Variants in FSTL4 observed in about 807,000 individuals in gnomAD.
The protein encoded by FSTL4 is follistatin like 4, also known as follistatin-related protein 4.
A neutral mutation model predicts 78.2 loss-of-function variants in FSTL4; 28 were observed. The observed-to-expected ratio is 0.36, with a 90% CI of 0.27 to 0.49. The LOEUF (loss-of-function observed/expected upper bound fraction) is 0.49, where lower values mean the gene tolerates loss of function less well. Among genes scored for constraint, FSTL4 ranks in the 20% least tolerant of loss-of-function variants. The probability of loss-of-function intolerance (pLI) is 0.98; values close to 1 mark genes in which losing one functional copy is unlikely to be tolerated. For missense variants in FSTL4, 922 were observed against 1,084.9 expected (o/e 0.85, Z 2.11); for synonymous variants, 422 against 440.5 (o/e 0.96, Z 0.53).
chr5:133,303,280 C>A (rs1280320737), intron 6 of FSTL4, among the ~76,000 whole-genome samples: 2 of 152,174 alleles, frequency 1.3e-5, no homozygotes, highest in African/African-American at 2.4e-5. Context: ...TAAAGAGCTG[C>A]TCAGGAAGGG....
chr5:133,353,443 G>A (rs1027671735), intron 4 of FSTL4, among the ~76,000 whole-genome samples: 2 of 152,194 alleles, frequency 1.3e-5, no homozygotes, highest in Admixed American at 1.3e-4. Flanking sequence ...CGTGCGAGGG[G>A]TCCCTTCCAC....
chr5:133,784,057 C>T, the FSTL4 span, among the ~76,000 whole-genome samples: 11 of 152,262 alleles, frequency 7.2e-5, no homozygotes, highest in Non-Finnish European at 1.5e-4. Context: ...TCAGTAGGTT[C>T]AGCTGCATCA....
intron 3 of FSTL4, among the ~76,000 whole-genome samples, chr5:133,482,003 T>A (rs541184111): frequency 2.6e-5 from 4 of 152,198 alleles, no homozygotes; most frequent in Admixed American, 2.0e-4. Context: ...GCCACCAACA[T>A]GGAAAAGGAA....
intron 3 of FSTL4, among the ~76,000 whole-genome samples, chr5:133,407,484 C>T (rs1206394877): frequency 2.0e-5 from 3 of 152,192 alleles, no homozygotes; most frequent in Admixed American, 2.0e-4. Flanking sequence ...ACCACATTCT[C>T]CAATCCCAAA....
chr5:133,538,762 T>C (rs540456019), intron 3 of FSTL4, among the ~76,000 whole-genome samples: 85 of 152,304 alleles, frequency 5.6e-4, no homozygotes, highest in African/African-American at 2.0e-3. Flanking sequence ...GACACAACAC[T>C]TATTTTATTA....
intron 2 of FSTL4, among the ~76,000 whole-genome samples, chr5:133,590,166 T>A (rs13153384): frequency 0.21 from 31,483 of 151,702 alleles, 3,867 homozygotes; most frequent in East Asian, 0.29. Flanking sequence ...CAGGCTAGAG[T>A]GCAGTGGCAT....
At chr5:133,472,267 G>A (rs1351233656) in intron 3 of FSTL4, among the ~76,000 whole-genome samples, 2 of 152,154 alleles carry the variant, frequency 1.3e-5, no homozygotes, top group Non-Finnish European at 2.9e-5. Context: ...CAGAATGAAA[G>A]CATTTTCAAA....
intron 4 of FSTL4, among the ~76,000 whole-genome samples, chr5:133,388,302 G>A (rs1755754048): frequency 6.6e-6 from 1 of 152,120 alleles, no homozygotes; most frequent in Admixed American, 6.5e-5. Flanking sequence ...CCCTTGCCCA[G>A]CAGAAAATAC....
At chr5:133,490,682 G>A (rs2112867733) in intron 3 of FSTL4, among the ~76,000 whole-genome samples, 1 of 152,282 alleles carries the variant, frequency 6.6e-6, no homozygotes, top group East Asian at 1.9e-4. Flanking sequence ...AAGTGTATGG[G>A]TTTGTAGTGG....
chr5:133,442,022 C>A (rs973265788), intron 3 of FSTL4, among the ~76,000 whole-genome samples: 1 of 152,168 alleles, frequency 6.6e-6, no homozygotes, highest in African/African-American at 2.4e-5. Flanking sequence ...TGTCACATGG[C>A]GAAATCCCAT....
At chr5:133,494,385 G>C (rs946684635) in intron 3 of FSTL4, among the ~76,000 whole-genome samples, 1 of 150,082 alleles carries the variant, frequency 6.7e-6, no homozygotes, top group Non-Finnish European at 1.5e-5. Flanking sequence ...TGTGTTGTAT[G>C]AATGTGTAAT....
chr5:133,242,115 C>T (rs966945662), intron 7 of FSTL4, among the ~76,000 whole-genome samples: 6 of 152,164 alleles, frequency 3.9e-5, no homozygotes, highest in African/African-American at 1.4e-4. Context: ...TCAACTTACA[C>T]ACATGTGCAA....
At chr5:133,240,671 A>C (rs1290979532) in intron 7 of FSTL4, among the ~76,000 whole-genome samples, 1 of 152,008 alleles carries the variant, frequency 6.6e-6, no homozygotes, top group Admixed American at 6.5e-5. Flanking sequence ...CTCTTAGCGC[A>C]TGACTCATCT....
chr5:133,533,402 G>GT (rs1759292855), intron 3 of FSTL4, among the ~76,000 whole-genome samples: 1 of 152,060 alleles, frequency 6.6e-6, no homozygotes, highest in Non-Finnish European at 1.5e-5. Context: ...GTAGCAACAT[G>GT]CCCAGCTATT....
intron 3 of FSTL4, among the ~76,000 whole-genome samples, chr5:133,427,901 G>A (rs1026625435): frequency 9.2e-5 from 14 of 152,134 alleles, no homozygotes; most frequent in Admixed American, 5.2e-4. Flanking sequence ...CTATAGTTGC[G>A]CCTTCTGGAA....
the FSTL4 span, among the ~76,000 whole-genome samples, chr5:133,642,689 C>A: frequency 2.6e-5 from 4 of 152,200 alleles, no homozygotes; most frequent in Non-Finnish European, 1.5e-5. Context: ...GCATGACCAT[C>A]TCTGTCTGCA....
chr5:133,664,323 A>T, the FSTL4 span, among the ~76,000 whole-genome samples: 1 of 151,862 alleles, frequency 6.6e-6, no homozygotes, highest in African/African-American at 2.4e-5. Context: ...TTTTTTTTAA[A>T]AAAAATTCCA....
chr5:133,299,459 C>T (rs1440859782), intron 6 of FSTL4, among the ~76,000 whole-genome samples: 1 of 152,220 alleles, frequency 6.6e-6, no homozygotes, highest in Non-Finnish European at 1.5e-5. Context: ...CAAATTCTAA[C>T]CAGGCGGCGG....
chr5:133,474,080 T>C (rs145258855), intron 3 of FSTL4, among the ~76,000 whole-genome samples: 1 of 152,298 alleles, frequency 6.6e-6, no homozygotes, highest in East Asian at 1.9e-4. Flanking sequence ...AAACAGATTC[T>C]AAATCTCACC....
Sources: allele counts gnomAD v4.1 joint callset (sites outside exome capture counted in the v4.1 genomes callset), GRCh38; gene constraint gnomAD v4.1.1; transcripts MANE v1.5; gene names NCBI Gene and HGNC (gene_info 2026-07-23, HGNC 2026-07-21).